CD226: variants seen among roughly 807,000 people sequenced by gnomAD.
CD226 encodes the protein CD226 antigen.
A neutral mutation model predicts 34.9 loss-of-function variants in CD226; 24 were observed. That is an observed-to-expected ratio of 0.69 (90% confidence interval 0.50 to 0.97). The LOEUF is 0.97. Ranked by LOEUF, CD226 falls within the 50% of genes least tolerant of loss-of-function variation. The pLI, the probability that CD226 is intolerant of heterozygous loss-of-function variation, is 0.00. For missense variants in CD226, 397 were observed against 412.7 expected (o/e 0.96, Z 0.33); for synonymous variants, 148 against 147.4 (o/e 1.00, Z -0.03).
Position 69,853,943 on chromosome 18 carries a change from G to C in CD226, c.*10371C>G, listed in dbSNP as rs1982543373. On this transcript the variant is annotated 3_prime_UTR_variant, in exon 6 of 6. Transcript: ENST00000582621. Reference sequence around the variant, plus strand: ...ATTTATAAAGATGAGCCAAAGAGCAGCCTAGACGAGAGCAAGTCATATGGA... The same window carrying C: ...ATTTATAAAGATGAGCCAAAGAGCACCCTAGACGAGAGCAAGTCATATGGA... 1.3e-5 allele frequency: 2 copies of C among 152,162 alleles called. 1 individual carries two copies. Among genetic ancestry groups the C allele is most frequent in the South Asian group, 4.1e-4 (2 of 4,826 alleles). 9.4% of individuals were successfully genotyped at this position (152,162 alleles called of 1,614,324 possible). A position where few individuals can be genotyped will look rare whatever the true frequency, so the allele number is the denominator to read the frequency against.
intron 2 of CD226, among the ~76,000 whole-genome samples, chr18:69,909,147 G>T (rs994971964): frequency 6.6e-6 from 1 of 152,164 alleles, no homozygotes; most frequent in African/African-American, 2.4e-5. Flanking sequence ...ACTCCTTAAA[G>T]ACATTGTACC....
upstream of CD226, among the ~76,000 whole-genome samples, chr18:69,949,755 C>G (rs1897435856): frequency 6.6e-6 from 1 of 151,798 alleles, no homozygotes; most frequent in Non-Finnish European, 1.5e-5. Flanking sequence ...CACCCACATA[C>G]ACATGCACCC....
chr18:69,941,571 A>C lies in CD226; in HGVS notation c.382+5163T>G, dbSNP rs564611558. 5.3e-5 allele frequency among the ~76,000 whole-genome samples: 8 copies of C among 152,336 alleles called. No individual in the cohort carries two copies. In the East Asian group the frequency reaches 1.2e-3, roughly 22 times the overall value. Reference sequence around the variant, plus strand: ...CAGGATTTCAGACTTGCATGGAGCTAGTAGCCCCTTTGTTTTGGCCAATTT... The same window carrying C: ...CAGGATTTCAGACTTGCATGGAGCTCGTAGCCCCTTTGTTTTGGCCAATTT... On this transcript the variant is annotated intron_variant, in intron 2 of 5. Transcript: ENST00000582621.
chr18:69,878,698 A>T (rs1206590865), intron 3 of CD226, among the ~76,000 whole-genome samples: 1 of 152,188 alleles, frequency 6.6e-6, no homozygotes, highest in African/African-American at 2.4e-5. Context: ...CACCTTTTTG[A>T]ATGGCTTTTC....
intron 2 of CD226, among the ~76,000 whole-genome samples, chr18:69,906,271 A>T (rs971077020): frequency 6.6e-6 from 1 of 152,234 alleles, no homozygotes; most frequent in Non-Finnish European, 1.5e-5. Context: ...TTTGACTTCC[A>T]TTGAAAAAAA....
chr18:69,857,253 A>G lies in CD226; in HGVS notation c.*7061T>C, dbSNP rs948211526. 1.3e-5 allele frequency: 2 copies of G among 152,248 alleles called. No homozygotes were observed. Among genetic ancestry groups the G allele is most frequent in the African/African-American group, 2.4e-5 (1 of 41,472 alleles). 9.4% of individuals were successfully genotyped at this position (152,248 alleles called of 1,614,324 possible). ...CAGAAAGGTTAGAAGAGTAATCTCT[A>G]TCTCTAGAAGCTACTGAGCCATTAC... On this transcript the variant is annotated 3_prime_UTR_variant, in exon 6 of 6. Transcript: ENST00000582621.
chr18:69,880,575 T>G (rs117797178), intron 3 of CD226, among the ~76,000 whole-genome samples: 5 of 151,054 alleles, frequency 3.3e-5, no homozygotes, highest in Non-Finnish European at 7.4e-5. Context: ...TGCAAGAGAA[T>G]GGGGAGGGAG....
chr18:69,923,655 T>C (rs1255142248), intron 2 of CD226, among the ~76,000 whole-genome samples: 2 of 151,770 alleles, frequency 1.3e-5, no homozygotes, highest in Non-Finnish European at 2.9e-5. Flanking sequence ...TGGAAAAAGG[T>C]TAGTCAATAA....
chr18:69,868,814 C>CACAG (rs1372983571), intron 4 of CD226, among the ~76,000 whole-genome samples: 1 of 151,886 alleles, frequency 6.6e-6, no homozygotes, highest in Non-Finnish European at 1.5e-5. Flanking sequence ...CACACACACA[C>CACAG]ACACACACAC....
intron 2 of CD226, among the ~76,000 whole-genome samples, chr18:69,922,681 T>C (rs8082799): frequency 0.049 from 7,523 of 152,250 alleles, 652 homozygotes; most frequent in African/African-American, 0.17. Flanking sequence ...AAATCTTATC[T>C]AGTCAAGAAA....
At chr18:69,868,937 C>T (rs776013511) in intron 4 of CD226, among the ~76,000 whole-genome samples, 5 of 152,192 alleles carry the variant, frequency 3.3e-5, no homozygotes, top group Non-Finnish European at 5.9e-5. Context: ...CTGCAATTTA[C>T]TAGCTGAGTT....
intron 2 of CD226, among the ~76,000 whole-genome samples, chr18:69,899,599 C>T (rs888633642): frequency 6.6e-6 from 1 of 152,148 alleles, no homozygotes; most frequent in Non-Finnish European, 1.5e-5. Context: ...AAAACGACCC[C>T]ATTAAAAAGT....
At chr18:69,888,188 AT>A (rs1984673577) in intron 3 of CD226, among the ~76,000 whole-genome samples, 1 of 152,198 alleles carries the variant, frequency 6.6e-6, no homozygotes, top group African/African-American at 2.4e-5. Flanking sequence ...CTTATTTTAC[AT>A]TTTAAGTAAT....
At chr18:69,875,152 T>C (rs191614200) in intron 3 of CD226, among the ~76,000 whole-genome samples, 90 of 152,306 alleles carry the variant, frequency 5.9e-4, no homozygotes, top group Admixed American at 1.8e-3. Flanking sequence ...TTTATTTTAT[T>C]TTTGGGACAG....
chr18:69,885,890 G>A (rs537843414), intron 3 of CD226, among the ~76,000 whole-genome samples: 4 of 152,252 alleles, frequency 2.6e-5, no homozygotes, highest in East Asian at 1.9e-4. Flanking sequence ...GAAGGATCCC[G>A]AGCTGAAATA....
At chr18:69,867,335 T>C in intron 5 of CD226, 22 bp downstream of exon 5, 5 of 1,536,500 alleles carry the variant, frequency 3.3e-6, no homozygotes, top group Non-Finnish European at 4.5e-6. Flanking sequence ...AAGAAAAAAA[T>C]GACAGTTCCG....
At chr18:69,925,854 C>T (rs2055514548) in intron 2 of CD226, among the ~76,000 whole-genome samples, 1 of 152,174 alleles carries the variant, frequency 6.6e-6, no homozygotes, top group Non-Finnish European at 1.5e-5. Context: ...CATAGAATCA[C>T]TTAGCAGGCT....
intron 2 of CD226, among the ~76,000 whole-genome samples, chr18:69,923,869 G>T (rs946213364): frequency 2.0e-5 from 3 of 151,560 alleles, no homozygotes; most frequent in Non-Finnish European, 4.4e-5. Context: ...CAGGAGAATG[G>T]CATGAACCCA....
chr18:69,886,638 G>A (rs1417160309), intron 3 of CD226, among the ~76,000 whole-genome samples: 1 of 151,968 alleles, frequency 6.6e-6, no homozygotes, highest in African/African-American at 2.4e-5. Context: ...CCCAGGAGGA[G>A]GAGGTTGCAG....
Sources: gnomAD v4.1 joint callset for allele counts (sites outside exome capture counted in the v4.1 genomes callset) on GRCh38, gnomAD v4.1.1 for gene constraint, MANE v1.5 for transcripts, NCBI Gene and HGNC (gene_info 2026-07-23, HGNC 2026-07-21) for gene names.